The following PALLD variants were observed in gnomAD, a reference collection of about 807,000 sequenced individuals.
PALLD encodes palladin.
PALLD carries 61 observed loss-of-function variants against 123.5 expected under a neutral mutation model. The observed-to-expected ratio is 0.49, with a 90% CI of 0.40 to 0.61. PALLD has a LOEUF of 0.61. Ranked by LOEUF, PALLD falls within the 20% of genes least tolerant of loss-of-function variation. The pLI is 0.00. For synonymous variants in PALLD, 465 were observed against 496.4 expected (o/e 0.94, Z 0.84); for missense variants, 1,273 against 1,377.0 (o/e 0.92, Z 1.20).
intron 10 of PALLD, among the ~76,000 whole-genome samples, chr4:168,750,985 T>C (rs1375870086): frequency 1.9e-5 from 2 of 103,948 alleles, no homozygotes; most frequent in African/African-American, 8.1e-5. Flanking sequence ...ATTTTATATA[T>C]GTGTGTGTGT....
chr4:168,673,598 A>G (rs994359578), intron 3 of PALLD, among the ~76,000 whole-genome samples: 2 of 152,024 alleles, frequency 1.3e-5, no homozygotes, highest in African/African-American at 2.4e-5. Flanking sequence ...TTTCTAACTG[A>G]CTCTCTGGTT....
intron 10 of PALLD, among the ~76,000 whole-genome samples, chr4:168,886,679 C>G (rs966563471): frequency 6.6e-6 from 1 of 152,030 alleles, no homozygotes; most frequent in Non-Finnish European, 1.5e-5. Context: ...ATTTTTATTT[C>G]TGTGTTAATT....
chr4:168,634,502 G>GT (rs1190109614), intron 2 of PALLD, among the ~76,000 whole-genome samples: 6 of 152,216 alleles, frequency 3.9e-5, no homozygotes, highest in African/African-American at 9.6e-5. Context: ...CAGCCTTGCA[G>GT]TTTTTTTCCT....
intron 15 of PALLD, among the ~76,000 whole-genome samples, chr4:168,912,519 A>T (rs549284340): frequency 6.6e-5 from 10 of 152,230 alleles, no homozygotes; most frequent in Admixed American, 5.9e-4. Flanking sequence ...TGGCTTATCC[A>T]TGTCATCTGG....
At chr4:168,606,730 C>T (rs1773222073) in intron 2 of PALLD, among the ~76,000 whole-genome samples, 1 of 150,116 alleles carries the variant, frequency 6.7e-6, no homozygotes, top group Non-Finnish European at 1.5e-5. Flanking sequence ...ACTACATGTT[C>T]TCGAAAAAGA....
intron 10 of PALLD, among the ~76,000 whole-genome samples, chr4:168,872,699 A>G (rs980311748): frequency 1.3e-5 from 2 of 150,324 alleles, no homozygotes; most frequent in East Asian, 4.2e-4. Flanking sequence ...ATAAATGATC[A>G]TTCTTAAGAT....
intron 10 of PALLD, among the ~76,000 whole-genome samples, chr4:168,817,378 A>G (rs1280263161): frequency 1.3e-5 from 2 of 152,238 alleles, no homozygotes; most frequent in East Asian, 3.8e-4. Flanking sequence ...CCATTTTCAG[A>G]CATGTCCTGA....
intron 2 of PALLD, among the ~76,000 whole-genome samples, chr4:168,595,737 A>G (rs191327755): frequency 1.1e-3 from 165 of 152,232 alleles, no homozygotes; most frequent in Middle Eastern, 3.4e-3. Flanking sequence ...TAAGAAACCT[A>G]AAAATAAAAA....
intron 10 of PALLD, among the ~76,000 whole-genome samples, chr4:168,797,930 C>T (rs1202522243): frequency 6.6e-6 from 1 of 151,482 alleles, no homozygotes; most frequent in Non-Finnish European, 1.5e-5. Flanking sequence ...TTGCAACTTC[C>T]CTTCTGATCC....
At position 168,926,467 on chromosome 4, in the gene PALLD, C is replaced by T; in HGVS notation, c.*287C>T. 1 of 930,706 alleles carries T rather than the reference C, an allele frequency of 1.1e-6. No homozygotes were observed. Among genetic ancestry groups the T allele is most frequent in the Non-Finnish European group, 1.6e-6 (1 of 623,438 alleles). 57.7% of individuals were successfully genotyped at this position (930,706 alleles called of 1,614,324 possible). The stretch of plus-strand genomic sequence containing the variant: ...TTCCTTTGTCACATTATGTAAAAGG[C>T]AGAAACATACCTTTGACTATAAGAA... On this transcript the variant is annotated 3_prime_UTR_variant, in exon 22 of 22. Transcript: ENST00000505667.
chr4:168,612,870 A>G (rs1773872530), intron 2 of PALLD, among the ~76,000 whole-genome samples: 1 of 152,166 alleles, frequency 6.6e-6, no homozygotes, highest in Non-Finnish European at 1.5e-5. Context: ...AGGAAAATGC[A>G]TGCTTATATT....
intron 10 of PALLD, among the ~76,000 whole-genome samples, chr4:168,855,772 G>A (rs1581779192): frequency 6.6e-6 from 1 of 152,352 alleles, no homozygotes; most frequent in East Asian, 1.9e-4. Context: ...TCAAAGGCAT[G>A]CTTGAACATT....
chr4:168,654,116 A>G (rs1778328983), intron 2 of PALLD, among the ~76,000 whole-genome samples: 1 of 152,150 alleles, frequency 6.6e-6, no homozygotes, highest in Non-Finnish European at 1.5e-5. Flanking sequence ...ATCAGTGATA[A>G]TTTTAAACAC....
intron 2 of PALLD, among the ~76,000 whole-genome samples, chr4:168,637,985 G>C (rs1263116653): frequency 1.3e-5 from 2 of 150,564 alleles, no homozygotes; most frequent in Non-Finnish European, 2.9e-5. Context: ...GGATCAAATG[G>C]GGAAACATAG....
chr4:168,904,436 C>T (rs548997836), intron 15 of PALLD, among the ~76,000 whole-genome samples: 1 of 152,234 alleles, frequency 6.6e-6, no homozygotes, highest in African/African-American at 2.4e-5. Flanking sequence ...TTGTATTTGC[C>T]TTTAGACTTA....
At position 168,793,700 on chromosome 4, in the gene PALLD, A is replaced by G. The variant is rs569942454; in HGVS notation, c.1964+81777A>G. 2.0e-5 allele frequency among the ~76,000 whole-genome samples: 3 copies of G among 152,278 alleles called. No individual in the cohort carries two copies. In the South Asian group the frequency reaches 6.2e-4, roughly 32 times the overall value. On this transcript the variant is annotated intron_variant, in intron 10 of 21. Transcript: ENST00000505667. ...TCAATCAACATTGGACATGTCGAAC[A>G]TCATAAAGATACGCACAGGAAGAGC...
rs1486051714 is a variant in PALLD, at chr4:168,497,092, T to A, written c.-185T>A. On this transcript the variant is annotated 5_prime_UTR_variant, in exon 1 of 22. An upstream start codon of the reference 5' UTR is lost. Transcript: ENST00000505667. ...TGACCACGGACCAGGCAGTCTCTAA[T>A]GAATAGGCAAGGCCACAACCTCCAT... 6.6e-6 allele frequency: 1 copy of A among 152,116 alleles called. No individual in the cohort carries two copies. Among genetic ancestry groups the A allele is most frequent in the Non-Finnish European group, 1.5e-5 (1 of 68,048 alleles). 9.4% of individuals were successfully genotyped at this position (152,116 alleles called of 1,614,324 possible). A position where few individuals can be genotyped will look rare whatever the true frequency, so the allele number is the denominator to read the frequency against.
chr4:168,716,002 G>A (rs553365490), intron 10 of PALLD, among the ~76,000 whole-genome samples: 6 of 151,922 alleles, frequency 3.9e-5, no homozygotes, highest in Admixed American at 3.3e-4. Context: ...CTAGGAATAA[G>A]CTCTGAAGGG....
chr4:168,598,402 C>A, intron 2 of PALLD: 1 of 626,542 alleles, frequency 1.6e-6, no homozygotes, highest in Non-Finnish European at 3.1e-6. Context: ...CAGCACCAAG[C>A]TGACTTAATA....
Sources: gnomAD v4.1 joint callset for allele counts (sites outside exome capture counted in the v4.1 genomes callset) on GRCh38, gnomAD v4.1.1 for gene constraint, MANE v1.5 for transcripts, NCBI Gene and HGNC (gene_info 2026-07-23, HGNC 2026-07-21) for gene names.